Variants in DYTN observed in about 807,000 individuals in gnomAD.
DYTN encodes the protein dystrotelin.
In DYTN, 75 loss-of-function variants were observed where a neutral mutation model predicts 69.6. The observed-to-expected ratio is 1.08, with a 90% CI of 0.89 to 1.31. The LOEUF (loss-of-function observed/expected upper bound fraction) is 1.31. DYTN is among the 50% of genes most tolerant of loss of function. The pLI is 0.00. For missense variants in DYTN, 726 were observed against 688.4 expected, an observed-to-expected ratio of 1.05 and a Z score of -0.61; for synonymous variants, 252 against 249.1, an observed-to-expected ratio of 1.01 and a Z score of -0.11.
At chr2:206,700,711 G>T (rs7598197) in intron 5 of DYTN, among the ~76,000 whole-genome samples, 73,725 of 151,734 alleles carry the variant, frequency 0.49, 18,906 homozygotes, top group South Asian at 0.68. Context: ...TCTCATCTAG[G>T]TTTTAAGCCC....
At position 206,651,865 on chromosome 2, in the gene DYTN, C is replaced by A. The variant is rs201639314; in HGVS notation, c.1690G>T (p.Ala564Ser). ...ATTTGATCAACAAGGGCAGAGAAGG[C>A]CCTGCACACTCGCTGAGCTCCACTG... ...LYSGAQRVCR[A>S]FSALVDQIAL... The change falls in exon 12 of 12, where the codon GCC becomes TCC. Residue 564 changes from alanine to serine, a missense_variant. By Grantham distance (99) the Ala-to-Ser change is moderately conservative (BLOSUM62 1). Coordinates refer to ENST00000452335, the MANE Select transcript of DYTN (RefSeq NM_001093730.1). The A allele has an allele frequency of 5.0e-6, 8 of 1,613,636 alleles. No homozygotes were observed. The highest frequency in any genetic ancestry group is 2.7e-5 in the African/African-American group (2 of 75,004).
chr2:206,656,810 T>C (rs1699454994), intron 11 of DYTN, among the ~76,000 whole-genome samples: 2 of 151,376 alleles, frequency 1.3e-5, no homozygotes, highest in Admixed American at 1.3e-4. Context: ...TTGCCCAGGC[T>C]GGAGTGCAAT....
chr2:206,709,101 A>G (rs922048570), intron 2 of DYTN, among the ~76,000 whole-genome samples: 1 of 152,214 alleles, frequency 6.6e-6, no homozygotes, highest in African/African-American at 2.4e-5. Flanking sequence ...AGTAATCTAC[A>G]TAAAACTGTT....
intron 7 of DYTN, among the ~76,000 whole-genome samples, chr2:206,698,889 A>G (rs1699947584): frequency 6.6e-6 from 1 of 152,244 alleles, no homozygotes; most frequent in Admixed American, 6.5e-5. Context: ...GAGGCAGCGG[A>G]GCATCATGGC....
At position 206,707,518 on chromosome 2, in the gene DYTN, T is replaced by C. The variant is rs1357841397; in HGVS notation, c.95-15A>G. 2 of 1,597,158 alleles carry C rather than the reference T, an allele frequency of 1.3e-6. No homozygotes were observed. Among genetic ancestry groups the C allele is most frequent in the East Asian group, 2.3e-5 (1 of 44,304 alleles). On this transcript the variant is annotated splice_polypyrimidine_tract_variant and intron_variant, in intron 2 of 11. Transcript: ENST00000452335. Reference sequence around the variant, plus strand: ...AATCAAGTCCACTGTAGGAAGCAAATGAAGAATTGAGCCTTATTTTCTGAT... The same window carrying C: ...AATCAAGTCCACTGTAGGAAGCAAACGAAGAATTGAGCCTTATTTTCTGAT...
intron 9 of DYTN, among the ~76,000 whole-genome samples, chr2:206,684,121 A>G (rs1371625916): frequency 6.6e-6 from 1 of 151,870 alleles, no homozygotes; most frequent in Non-Finnish European, 1.5e-5. Flanking sequence ...ACAACATTCA[A>G]TAAACTTATT....
At chr2:206,708,887 A>G (rs1700052385) in intron 2 of DYTN, among the ~76,000 whole-genome samples, 1 of 152,218 alleles carries the variant, frequency 6.6e-6, no homozygotes, top group South Asian at 2.1e-4. Context: ...CAGAGATAAC[A>G]AAAAGTTGAA....
chr2:206,693,304 G>A lies in DYTN; in HGVS notation c.851C>T (p.Thr284Ile). Residue 284 changes from threonine to isoleucine, a missense_variant, in exon 9 of 12, where the codon ACA (threonine) becomes ATA (isoleucine). Coordinates refer to ENST00000452335, the MANE Select transcript of DYTN (RefSeq NM_001093730.1). ...HCIQMSAMQN[T>I]KLLFRTLRNN... ...TCTGAGGGTCCTGAAGAGAAGTTTT[G>A]TATTCTGCATTGCTGACATCTGCTG... is the stretch of plus-strand genomic sequence containing the variant. 1.2e-6 allele frequency: 2 copies of A among 1,612,658 alleles called. No individual in the cohort carries two copies. Among genetic ancestry groups the A allele is most frequent in the South Asian group, 2.2e-5 (2 of 91,082 alleles).
chr2:206,709,593 C>T (rs572829437), intron 2 of DYTN, among the ~76,000 whole-genome samples: 1 of 152,206 alleles, frequency 6.6e-6, no homozygotes, highest in East Asian at 1.9e-4. Flanking sequence ...CTGGCTAACT[C>T]TTTTTTGCCC....
chr2:206,658,969 A>G (rs181202734), intron 11 of DYTN, among the ~76,000 whole-genome samples: 15 of 142,072 alleles, frequency 1.1e-4, no homozygotes, highest in African/African-American at 3.7e-4. Context: ...TGAATAATAC[A>G]GTAAAACAAG....
intron 9 of DYTN, among the ~76,000 whole-genome samples, chr2:206,683,991 CAT>C (rs1396861062): frequency 6.6e-6 from 1 of 152,038 alleles, no homozygotes; most frequent in Non-Finnish European, 1.5e-5. Flanking sequence ...AATATTTTAA[CAT>C]ATGATATAAT....
intron 11 of DYTN, among the ~76,000 whole-genome samples, chr2:206,658,141 T>C (rs958514108): frequency 1.3e-5 from 2 of 152,122 alleles, no homozygotes; most frequent in East Asian, 3.8e-4. Flanking sequence ...TGAACACTTC[T>C]ATTGAAATTT....
chr2:206,664,953 T>C (rs993356979), intron 10 of DYTN, among the ~76,000 whole-genome samples: 4 of 152,184 alleles, frequency 2.6e-5, no homozygotes, highest in South Asian at 2.1e-4. Context: ...GTAAGAACAC[T>C]GGATTTTAAT....
At position 206,663,273 on chromosome 2, in the gene DYTN, A is replaced by G. The variant is rs767855034; in HGVS notation, c.1263T>C (p.Thr421=). ...GAGGTTCCCCTGTTGAAGCATCTTC[A>G]GTGGCATTCTTGATCTGCAAATAAT... The part of the protein sequence containing the change: ...GGDYLQIKNA[T]EDASTGEPLP... The change falls in exon 11 of 12, where the codon ACT becomes ACC. Residue 421 remains threonine (T), a synonymous_variant. Coordinates refer to ENST00000452335, the MANE Select transcript of DYTN (RefSeq NM_001093730.1). 1.9e-5 allele frequency: 31 copies of G among 1,613,906 alleles called. No homozygotes were observed. The highest frequency in any genetic ancestry group is 2.6e-5 in the Non-Finnish European group (31 of 1,179,898).
At chr2:206,717,640 T>C (rs1700142035) in intron 1 of DYTN, among the ~76,000 whole-genome samples, 1 of 152,228 alleles carries the variant, frequency 6.6e-6, no homozygotes, top group Admixed American at 6.5e-5. Context: ...ATTTATAATG[T>C]TGTTTTAGAT....
chr2:206,697,483 C>T (rs566793431), intron 7 of DYTN, among the ~76,000 whole-genome samples: 2 of 152,284 alleles, frequency 1.3e-5, no homozygotes, highest in South Asian at 4.1e-4. Context: ...TGGCTTTCTT[C>T]ATCTCCCAAA....
At chr2:206,659,522 A>C (rs1261865732) in intron 11 of DYTN, among the ~76,000 whole-genome samples, 1 of 141,876 alleles carries the variant, frequency 7.0e-6, no homozygotes, top group African/African-American at 2.6e-5. Context: ...CTGGATCGGT[A>C]GGGTGATTAG....
intron 9 of DYTN, among the ~76,000 whole-genome samples, chr2:206,676,313 C>A (rs986156986): frequency 6.6e-6 from 1 of 152,086 alleles, no homozygotes; most frequent in Non-Finnish European, 1.5e-5. Flanking sequence ...TCATCCACAG[C>A]AAACTAACAC....
At chr2:206,694,693 G>C (rs1699900967) in intron 8 of DYTN, 73 bp downstream of exon 8, 1 of 1,239,848 alleles carries the variant, frequency 8.1e-7, no homozygotes, top group Non-Finnish European at 1.1e-6. Context: ...TCACTGGAGG[G>C]AAGGTTTTTT....
Sources: gnomAD v4.1 joint callset for allele counts (sites outside exome capture counted in the v4.1 genomes callset) on GRCh38, gnomAD v4.1.1 for gene constraint, MANE v1.5 for transcripts, NCBI Gene and HGNC (gene_info 2026-07-23, HGNC 2026-07-21) for gene names.